Variants in HDAC4 observed in about 807,000 individuals in gnomAD.
HDAC4 encodes the protein histone deacetylase 4.
In HDAC4, 16 loss-of-function variants were observed where a neutral mutation model predicts 135.1. The observed-to-expected ratio is 0.12, with a 90% CI of 0.08 to 0.18. The LOEUF (loss-of-function observed/expected upper bound fraction) is 0.18. Among genes scored for constraint, HDAC4 ranks in the 10% least tolerant of loss-of-function variants. The pLI, the probability that HDAC4 is intolerant of heterozygous loss-of-function variation, is 1.00. For synonymous variants in HDAC4, 685 were observed against 653.4 expected (o/e 1.05, Z -0.74); for missense variants, 1,143 against 1,511.8 (o/e 0.76, Z 4.05).
intron 23 of HDAC4, among the ~76,000 whole-genome samples, chr2:239,067,370 A>G (rs2033645099): frequency 6.6e-6 from 1 of 152,060 alleles, no homozygotes; most frequent in Admixed American, 6.5e-5. Flanking sequence ...TGCCTGGTGG[A>G]TGAGGGTAAT....
chr2:239,144,239 T>C (rs1559506338), intron 8 of HDAC4, among the ~76,000 whole-genome samples: 1 of 152,168 alleles, frequency 6.6e-6, no homozygotes, highest in Non-Finnish European at 1.5e-5. Flanking sequence ...TCACCACTAC[T>C]AGGGTGGGAC....
intron 14 of HDAC4, among the ~76,000 whole-genome samples, chr2:239,109,162 G>A (rs2038438065): frequency 6.6e-6 from 1 of 152,242 alleles, no homozygotes; most frequent in Non-Finnish European, 1.5e-5. Flanking sequence ...GGACATGTCT[G>A]TGCTGCACAC....
At chr2:239,269,260 CCCACACATTCACACACCCA>C (rs2049924969) in intron 2 of HDAC4, among the ~76,000 whole-genome samples, 5 of 146,120 alleles carry the variant, frequency 3.4e-5, no homozygotes, top group African/African-American at 1.4e-4. Context: ...CATTCACACA[CCCACACATTCACACACCCA>C]CACACATTCA....
At chr2:239,202,338 C>T (rs1021077015) in intron 3 of HDAC4, among the ~76,000 whole-genome samples, 32 of 152,328 alleles carry the variant, frequency 2.1e-4, no homozygotes, top group African/African-American at 4.3e-4. Flanking sequence ...AAGACCTGGT[C>T]TCTCCAAATT....
In HDAC4 at chr2:239,156,647, C is replaced by A; in HGVS notation, c.733+5G>T. 6.2e-7 allele frequency: 1 copy of A among 1,614,106 alleles called. No individual in the cohort carries two copies. The highest frequency in any genetic ancestry group is 8.5e-7 in the Non-Finnish European group (1 of 1,179,986). ...TCCCGGCCCACAGCATGCCTGGGCA[C>A]TGACCTGTTTTCCTAAGAGGGAAGT... On this transcript the variant is annotated splice_donor_5th_base_variant and intron_variant, in intron 7 of 26. Transcript: ENST00000543185.
rs191155481 is a variant in HDAC4, at chr2:239,262,709, C to T, written c.23-26045G>A. ...AGCGGGACACCCCCAAGGGTGCACA[C>T]GGCTGAAGGCGCAACGGGCACAGGG... On this transcript the variant is annotated intron_variant, in intron 2 of 26. Coordinates refer to ENST00000543185, the MANE Select transcript of HDAC4 (RefSeq NM_001378414.1). This position sits in a 1 kb window ranked among gnomAD's most constrained non-coding sequence, Gnocchi z 4.1. 5.3e-5 allele frequency among the ~76,000 whole-genome samples: 8 copies of T among 152,168 alleles called. No individual in the cohort carries two copies. Among genetic ancestry groups the T allele is most frequent in the Non-Finnish European group, 8.8e-5 (6 of 68,038 alleles).
chr2:239,194,384 G>A (rs2045221931), intron 3 of HDAC4, among the ~76,000 whole-genome samples: 1 of 152,208 alleles, frequency 6.6e-6, no homozygotes, highest in South Asian at 2.1e-4. Flanking sequence ...TGGACTGAGA[G>A]ACAATCAAAA....
chr2:239,267,418 C>T (rs1380699327), intron 2 of HDAC4, among the ~76,000 whole-genome samples: 1 of 152,200 alleles, frequency 6.6e-6, no homozygotes, highest in African/African-American at 2.4e-5. Context: ...CCCATGGCAC[C>T]ACTCAGCAGT....
intron 24 of HDAC4, among the ~76,000 whole-genome samples, chr2:239,065,006 C>T (rs557727372): frequency 1.4e-4 from 22 of 152,362 alleles, no homozygotes; most frequent in Non-Finnish European, 2.9e-4. Flanking sequence ...GGGTCCGTGG[C>T]CTCCTGTGCG....
intron 11 of HDAC4, among the ~76,000 whole-genome samples, chr2:239,133,439 C>T (rs1191918792): frequency 6.6e-6 from 1 of 152,190 alleles, no homozygotes; most frequent in Non-Finnish European, 1.5e-5. Flanking sequence ...AACGATGACC[C>T]GCACGGCAAG....
At chr2:239,087,193 C>A (rs112664569) in intron 19 of HDAC4, among the ~76,000 whole-genome samples, 5 of 152,326 alleles carry the variant, frequency 3.3e-5, no homozygotes, top group African/African-American at 1.2e-4. Flanking sequence ...AAAGGCCATG[C>A]GCAAAATGAC....
chr2:239,114,935 G>T, intron 13 of HDAC4, 118 bp downstream of exon 13: 1 of 1,238,738 alleles, frequency 8.1e-7, no homozygotes, highest in Non-Finnish European at 1.1e-6. Flanking sequence ...GTGAGACACT[G>T]GACAGTGACC....
At chr2:239,211,659 G>T (rs2046359596) in intron 3 of HDAC4, among the ~76,000 whole-genome samples, 1 of 152,210 alleles carries the variant, frequency 6.6e-6, no homozygotes, top group South Asian at 2.1e-4. Flanking sequence ...TAAACCCAAT[G>T]ATTCAAAAGC....
chr2:239,125,131 C>T (rs1477523862), intron 12 of HDAC4, among the ~76,000 whole-genome samples: 1 of 152,220 alleles, frequency 6.6e-6, no homozygotes, highest in Non-Finnish European at 1.5e-5. Flanking sequence ...GGATCTGTGT[C>T]CCTGCCCACA....
chr2:239,381,877 C>A (rs1199756737), intron 1 of HDAC4, among the ~76,000 whole-genome samples: 2 of 152,202 alleles, frequency 1.3e-5, no homozygotes, highest in East Asian at 3.8e-4. Context: ...GAGAGATCCC[C>A]TAAAATAGAC....
chr2:239,066,656 C>A (rs1422831847), intron 24 of HDAC4, 66 bp downstream of exon 24: 6 of 1,609,284 alleles, frequency 3.7e-6, no homozygotes, highest in Non-Finnish European at 5.1e-6. Flanking sequence ...GGCTCTCGGG[C>A]AGCCAGGCCA....
rs1412448830 is a variant in HDAC4 at position 239,262,457 on chromosome 2, A to C, written c.23-25793T>G. Among the ~76,000 whole-genome samples the C allele has an allele frequency of 6.6e-6, 1 of 152,220 alleles. No homozygotes were observed. Among genetic ancestry groups the C allele is most frequent in the South Asian group, 2.1e-4 (1 of 4,830 alleles). ...TTTGTGAAAGCAGAGATAGAAATTT[A>C]ATTAGAAACAGACGAGGATCTTCTC... On this transcript the variant is annotated intron_variant, in intron 2 of 26. Transcript: ENST00000543185. The surrounding 1 kb of genome is among the most constrained non-coding windows in gnomAD (Gnocchi z 4.1).
chr2:239,118,214 C>T (rs1190520233), intron 12 of HDAC4, among the ~76,000 whole-genome samples: 1 of 150,170 alleles, frequency 6.7e-6, no homozygotes, highest in Non-Finnish European at 1.5e-5. Context: ...TTGATCATCC[C>T]TTAACTTTCT....
rs556670585 is a variant in HDAC4, at chr2:239,244,926, C to T, written c.23-8262G>A. ...TCCCTGGGAGCTCTGCTTATAGCCTCGAGCATCCCAGGCCACTAGATTCTG... is the reference window on the plus strand; with the variant it reads ...TCCCTGGGAGCTCTGCTTATAGCCTTGAGCATCCCAGGCCACTAGATTCTG... On this transcript the variant is annotated intron_variant, in intron 2 of 26. Transcript: ENST00000543185. Among the ~76,000 whole-genome samples, 23 of 152,286 alleles carry T rather than the reference C, an allele frequency of 1.5e-4. No individual in the cohort carries two copies. The South Asian group carries it at 1.7e-3, about 11-fold the overall frequency.
Sources: gnomAD v4.1 joint callset for allele counts (sites outside exome capture counted in the v4.1 genomes callset) on GRCh38, gnomAD v4.1.1 for gene constraint, Gnocchi (gnomAD v3.1) non-coding constraint, MANE v1.5 for transcripts, NCBI Gene and HGNC (gene_info 2026-07-23, HGNC 2026-07-21) for gene names.